The following POLR3E variants were observed in gnomAD, a reference collection of about 807,000 sequenced individuals.
The protein encoded by POLR3E is RNA polymerase III subunit E.
In POLR3E, 41 loss-of-function variants were observed where a neutral mutation model predicts 96.6. That is an observed-to-expected ratio of 0.42 (90% CI 0.33 to 0.55). POLR3E has a LOEUF of 0.55. Ranked by LOEUF, POLR3E falls within the 20% of genes least tolerant of loss-of-function variation. POLR3E has a pLI of 0.06. For missense variants in POLR3E, 849 were observed against 952.1 expected, an observed-to-expected ratio of 0.89 and a Z score of 1.43; for synonymous variants, 396 against 383.6, an observed-to-expected ratio of 1.03 and a Z score of -0.38.
chr16:22,318,675 G>A lies in POLR3E; in HGVS notation c.866-151G>A. The A allele has an allele frequency of 1.4e-6, 1 of 700,444 alleles. No individual in the cohort carries two copies. Among genetic ancestry groups the A allele is most frequent in the South Asian group, 1.9e-5 (1 of 53,912 alleles). 43.4% of individuals were successfully genotyped at this position (700,444 alleles called of 1,614,324 possible). Reference sequence around the variant, plus strand: ...CTGGCATGTAGTGAGCAGCCTGAGAGTGTCAGCTGTTGGCTATGATGGGTG... The same window carrying A: ...CTGGCATGTAGTGAGCAGCCTGAGAATGTCAGCTGTTGGCTATGATGGGTG... On this transcript the variant is annotated intron_variant, in intron 12 of 20. Transcript: ENST00000299853. This position sits in a 1 kb window ranked among gnomAD's most constrained non-coding sequence, Gnocchi z 5.0.
chr16:22,309,549 T>TG, intron 6 of POLR3E, 39 bp downstream of exon 6: 3 of 1,402,634 alleles, frequency 2.1e-6, no homozygotes, highest in Non-Finnish European at 3.0e-6. Context: ...GGACATGGCA[T>TG]TGGGGGGGGC....
Position 22,333,649 on chromosome 16 carries a change from C to T in POLR3E, c.2076C>T (p.Cys692=), listed in dbSNP as rs752526048. Reference sequence around the variant, plus strand: ...ACCCTGTTTCTCTCTCATAGGACTGCTGTGTAAGCTATGGTGGCATGTGGT... The same window carrying T: ...ACCCTGTTTCTCTCTCATAGGACTGTTGTGTAAGCTATGGTGGCATGTGGT... ...KQEVDKVLKD[C]CVSYGGMWYL... The change falls in exon 21 of 21, where the codon TGC becomes TGT. Residue 692 remains cysteine, a synonymous_variant. Coordinates refer to ENST00000299853, the MANE Select transcript of POLR3E (RefSeq NM_018119.4). 5.0e-6 allele frequency: 8 copies of T among 1,609,912 alleles called. No individual in the cohort carries two copies. Among genetic ancestry groups the T allele is most frequent in the Middle Eastern group, 1.7e-4 (1 of 6,052 alleles).
intron 14 of POLR3E, among the ~76,000 whole-genome samples, chr16:22,323,340 AC>A (rs1045907917): frequency 6.6e-5 from 10 of 152,058 alleles, no homozygotes; most frequent in African/African-American, 2.4e-4. Context: ...CCAGTTCACC[AC>A]AGTCCCAGGT....
In POLR3E at chr16:22,318,030, G is replaced by A. The variant is rs558767071; in HGVS notation, c.866-796G>A. On this transcript the variant is annotated intron_variant, in intron 12 of 20. Transcript: ENST00000299853. This position sits in a 1 kb window ranked among gnomAD's most constrained non-coding sequence, Gnocchi z 5.0. ...GAGATGCCACCATGAGCTCTTAGGA[G>A]TCTAAGGAGAGAGGGGAGCTCCATG... Among the ~76,000 whole-genome samples, 1 of 152,098 alleles carries A rather than the reference G, an allele frequency of 6.6e-6. No homozygotes were observed. The highest frequency in any genetic ancestry group is 1.5e-5 in the Non-Finnish European group (1 of 67,992).
intron 9 of POLR3E, among the ~76,000 whole-genome samples, chr16:22,315,754 C>T (rs1258546828): frequency 6.6e-6 from 1 of 152,156 alleles, no homozygotes; most frequent in Non-Finnish European, 1.5e-5. Flanking sequence ...TCACTGCAAC[C>T]TCCGCCTCCC....
Position 22,298,589 on chromosome 16 carries a change from G to C in POLR3E, c.-39+1052G>C, listed in dbSNP as rs929323656. ...TGAACCTGCACAGTTTTGTTCTCGG[G>C]TCCAAGCTCTTACCCACTTAACCAT... On this transcript the variant is annotated intron_variant, in intron 1 of 20. Transcript: ENST00000299853. Among the ~76,000 whole-genome samples, 6 of 152,232 alleles carry C rather than the reference G, an allele frequency of 3.9e-5. No individual in the cohort carries two copies. In the Middle Eastern group the frequency reaches 0.014, roughly 345 times the overall value.
At chr16:22,316,790 A>G in intron 10 of POLR3E, 104 bp downstream of exon 10, 1 of 1,036,716 alleles carries the variant, frequency 9.6e-7, no homozygotes, top group South Asian at 1.3e-5. Context: ...CTGTAGCATG[A>G]GGGTGGAGCC....
intron 2 of POLR3E, 63 bp from the exon 3 acceptor site, chr16:22,305,093 A>G: frequency 7.5e-7 from 1 of 1,327,164 alleles, no homozygotes; most frequent in Admixed American, 1.7e-5. Context: ...AAGCGCTGGC[A>G]TAGCCCGGGG....
rs1454050194 is a variant in POLR3E at position 22,322,796 on chromosome 16, G to A, written c.987-54G>A. 6 of 1,273,838 alleles carry A rather than the reference G, an allele frequency of 4.7e-6. No individual in the cohort carries two copies. The highest frequency in any genetic ancestry group is 2.3e-5 in the East Asian group (1 of 42,592). The allele number at this position is 1,273,838 out of a possible 1,614,324, so 78.9% of individuals were successfully genotyped here. A position where few individuals can be genotyped will look rare whatever the true frequency, so the allele number is the denominator to read the frequency against. The stretch of plus-strand genomic sequence containing the variant: ...CTGGGGCTTGGCCGGGAGGGGTAGC[G>A]GTAGAGGGGGCTCAGGGCAGGGACT... On this transcript the variant is annotated intron_variant, in intron 13 of 20. Coordinates refer to ENST00000299853, the MANE Select transcript of POLR3E (RefSeq NM_018119.4). This position sits in a 1 kb window ranked among gnomAD's most constrained non-coding sequence, Gnocchi z 5.2.
chr16:22,325,196 T>C lies in POLR3E; in HGVS notation c.1287-9T>C. The C allele has an allele frequency of 1.2e-6, 2 of 1,609,636 alleles. No homozygotes were observed. The highest frequency in any genetic ancestry group is 2.2e-5 in the South Asian group (2 of 90,972). On this transcript the variant is annotated splice_polypyrimidine_tract_variant and intron_variant, in intron 16 of 20. Coordinates refer to ENST00000299853, the MANE Select transcript of POLR3E (RefSeq NM_018119.4). ...GGTTTAAAGTTAATGGGGTTACTCT[T>C]CTTTTCAGACTGGAAAAAGTCTATA... is the stretch of plus-strand genomic sequence containing the variant.
Position 22,308,989 on chromosome 16 carries a change from T to C in POLR3E, c.230T>C (p.Ile77Thr). ...PNYCRSKGEQ[I>T]ALNVDGACAD... ...TATTGCCGCAGCAAAGGGGAGCAGA[T>C]TGCGCTGAACGTGGACGGGGCCTGC... The change falls in exon 5 of 21, where the codon ATT becomes ACT. Residue 77 changes from isoleucine to threonine, a missense_variant. By Grantham distance (89) the Ile-to-Thr change is moderately conservative. Coordinates refer to ENST00000299853, the MANE Select transcript of POLR3E (RefSeq NM_018119.4). 6.2e-7 allele frequency: 1 copy of C among 1,614,086 alleles called. No homozygotes were observed. The highest frequency in any genetic ancestry group is 8.5e-7 in the Non-Finnish European group (1 of 1,179,978).
intron 14 of POLR3E, 70 bp from the exon 15 acceptor site, chr16:22,324,284 G>A (rs1351430111): frequency 1.5e-6 from 2 of 1,302,950 alleles, no homozygotes; most frequent in Admixed American, 1.7e-5. Context: ...GGCCTGCCAG[G>A]TGAGTTCCCG....
At position 22,325,915 on chromosome 16, in the gene POLR3E, C is replaced by T. The variant is rs374425405; in HGVS notation, c.1503C>T (p.Pro501=). 75 of 1,602,702 alleles carry T rather than the reference C, an allele frequency of 4.7e-5. No homozygotes were observed. In the African/African-American group the frequency reaches 7.0e-4, roughly 15 times the overall value. Reference sequence around the variant, plus strand: ...CCGGTGTGCGGATCAAGGAGGAGCCCGTGAGCGAGGAGGGCGAGGAGGACG... The same window carrying T: ...CCGGTGTGCGGATCAAGGAGGAGCCTGTGAGCGAGGAGGGCGAGGAGGACG... The part of the protein sequence containing the change: ...VPPGVRIKEE[P]VSEEGEEDEE... The change falls in exon 18 of 21, where the codon CCC becomes CCT. Residue 501 remains proline, a synonymous_variant. Transcript: ENST00000299853.
chr16:22,333,583 CA>C, intron 20 of POLR3E, 60 bp from the exon 21 acceptor site: 1 of 1,117,436 alleles, frequency 8.9e-7, no homozygotes, highest in Non-Finnish European at 1.4e-6. Flanking sequence ...ACATTGTGGA[CA>C]GAATGTAATT....
chr16:22,304,125 T>A (rs1455928738), intron 2 of POLR3E, among the ~76,000 whole-genome samples: 1 of 152,054 alleles, frequency 6.6e-6, no homozygotes, highest in African/African-American at 2.4e-5. Context: ...TTTCCCTTCT[T>A]AGAGAAAGCT....
chr16:22,306,636 T>C (rs553652225), intron 3 of POLR3E, among the ~76,000 whole-genome samples: 4 of 152,234 alleles, frequency 2.6e-5, no homozygotes, highest in Non-Finnish European at 4.4e-5. Context: ...TGATGGGTAT[T>C]TGGGTTATTT....
Position 22,333,992 on chromosome 16 carries a change from A to T in POLR3E, c.*292A>T, listed in dbSNP as rs904025472. On this transcript the variant is annotated 3_prime_UTR_variant, in exon 21 of 21. Transcript: ENST00000299853. ...ATTTGGTTTCATTCTCATAATAAAG[A>T]GAGTGTATACTGACATGGGCAGGAT... 1.6e-4 allele frequency: 57 copies of T among 362,074 alleles called. No homozygotes were observed. The highest frequency in any genetic ancestry group is 9.4e-4 in the African/African-American group (46 of 49,040). 22.4% of individuals were successfully genotyped at this position (362,074 alleles called of 1,614,324 possible).
chr16:22,314,258 G>A, intron 8 of POLR3E, 130 bp downstream of exon 8: 1 of 724,188 alleles, frequency 1.4e-6, no homozygotes, highest in Non-Finnish European at 2.4e-6. Context: ...TTCTTGCTGG[G>A]CTACCTGGAG....
chr16:22,309,750 G>A (rs1014177036), intron 6 of POLR3E: 3 of 574,384 alleles, frequency 5.2e-6, no homozygotes, highest in Non-Finnish European at 3.1e-6. Context: ...AAGTTCATTT[G>A]TCCTCCCGGG....
Sources: gnomAD v4.1 joint callset for allele counts (sites outside exome capture counted in the v4.1 genomes callset) on GRCh38, gnomAD v4.1.1 for gene constraint, Gnocchi (gnomAD v3.1) non-coding constraint, MANE v1.5 for transcripts, NCBI Gene and HGNC (gene_info 2026-07-23, HGNC 2026-07-21) for gene names.